The following AP4S1 variants were observed in gnomAD, a reference collection of about 807,000 sequenced individuals.
AP4S1 encodes adaptor related protein complex 4 subunit sigma 1.
In AP4S1, 23 loss-of-function variants were observed where a neutral mutation model predicts 19.8. That is an observed-to-expected ratio of 1.16 (90% confidence interval 0.84 to 1.65). The LOEUF is 1.65. Among genes scored for constraint, AP4S1 ranks in the 40% most tolerant of loss-of-function variants. The probability of loss-of-function intolerance (pLI) is 0.00; values close to 1 mark genes in which losing one functional copy is unlikely to be tolerated. For synonymous variants in AP4S1, 46 were observed against 54.1 expected (o/e 0.85, Z 0.66); for missense variants, 166 against 172.8 (o/e 0.96, Z 0.22).
chr14:31,041,593 C>T (rs971353372), intron 1 of AP4S1, among the ~76,000 whole-genome samples: 3 of 152,190 alleles, frequency 2.0e-5, no homozygotes, highest in Non-Finnish European at 4.4e-5. Flanking sequence ...CACTATAGCA[C>T]CTCCTGGGAG....
In AP4S1 at chr14:31,037,439, C is replaced by T. The variant is rs55803216; in HGVS notation, c.-72+11652C>T. Among the ~76,000 whole-genome samples, 611 of 152,220 alleles carry T rather than the reference C, an allele frequency of 4.0e-3. 1 individual carries two copies. Among genetic ancestry groups the T allele is most frequent in the African/African-American group, 0.014 (592 of 41,530 alleles). On this transcript the variant is annotated intron_variant, in intron 1 of 5. Coordinates refer to ENST00000542754, the MANE Select transcript of AP4S1 (RefSeq NM_001128126.3). ...GCCATCACCACTACTTTCTTTGCTT[C>T]TCTTCACTCTTGCATTTTTAAATTT... is the stretch of plus-strand genomic sequence containing the variant.
chr14:31,037,633 C>T lies in AP4S1; in HGVS notation c.-72+11846C>T, dbSNP rs181836386. ...ATTCTCTGGGCAACAGTTGGGCAGG[C>T]TCTTGTCTGACAATTTAAATTTATT... On this transcript the variant is annotated intron_variant, in intron 1 of 5. Transcript: ENST00000542754. 7.9e-5 allele frequency among the ~76,000 whole-genome samples: 12 copies of T among 152,202 alleles called. No homozygotes were observed. The East Asian group carries it at 1.7e-3, about 22-fold the overall frequency.
chr14:31,033,979 G>A (rs1248441605), intron 1 of AP4S1, among the ~76,000 whole-genome samples: 1 of 152,206 alleles, frequency 6.6e-6, no homozygotes, highest in African/African-American at 2.4e-5. Flanking sequence ...ATTGCCTGGA[G>A]CCAAGTCCCT....
chr14:31,083,159 G>A (rs980642646), intron 5 of AP4S1, among the ~76,000 whole-genome samples: 23 of 152,066 alleles, frequency 1.5e-4, no homozygotes, highest in African/African-American at 5.6e-4. Context: ...TAGCCTTCTG[G>A]TGTGTAGTAT....
chr14:31,092,556 T>C (rs1213279292), intron 5 of AP4S1, among the ~76,000 whole-genome samples: 1 of 152,082 alleles, frequency 6.6e-6, no homozygotes, highest in East Asian at 1.9e-4. Flanking sequence ...GTTACTATTA[T>C]TGTCTGGGAA....
At chr14:31,030,477 A>C (rs915972165) in intron 1 of AP4S1, among the ~76,000 whole-genome samples, 4 of 152,144 alleles carry the variant, frequency 2.6e-5, no homozygotes, top group Non-Finnish European at 2.9e-5. Context: ...TGAGTAGCTA[A>C]GACTACCTGT....
intron 1 of AP4S1, among the ~76,000 whole-genome samples, chr14:31,061,784 A>T (rs948717161): frequency 5.3e-5 from 8 of 151,966 alleles, no homozygotes; most frequent in African/African-American, 1.9e-4. Context: ...CTGGGACTAC[A>T]GGTGCATGCC....
intron 4 of AP4S1, among the ~76,000 whole-genome samples, chr14:31,074,271 G>A (rs1187584514): frequency 6.6e-6 from 1 of 152,002 alleles, no homozygotes; most frequent in Non-Finnish European, 1.5e-5. Flanking sequence ...GTTGCAGTGA[G>A]CCAACATCCC....
chr14:31,081,685 A>C lies in AP4S1; in HGVS notation c.306+1101A>C, dbSNP rs565185078. The stretch of plus-strand genomic sequence containing the variant: ...ATATTTATATAAGAATATAACAACT[A>C]TATATGAATTATAACAATGTTTATG... On this transcript the variant is annotated intron_variant, in intron 5 of 5. Coordinates refer to ENST00000542754, the MANE Select transcript of AP4S1 (RefSeq NM_001128126.3). Among the ~76,000 whole-genome samples the C allele has an allele frequency of 6.5e-4, 99 of 151,576 alleles. 1 individual carries two copies. Among genetic ancestry groups the C allele is most frequent in the Admixed American group, 7.9e-4 (12 of 15,200 alleles).
At chr14:31,048,300 C>T (rs988767028) in intron 1 of AP4S1, among the ~76,000 whole-genome samples, 39 of 151,922 alleles carry the variant, frequency 2.6e-4, no homozygotes, top group African/African-American at 9.2e-4. Context: ...CGGGGTCCCA[C>T]CCTGTTGGCC....
intron 5 of AP4S1, 28 bp downstream of exon 5, chr14:31,080,612 A>G (rs745519443): frequency 5.0e-6 from 8 of 1,613,870 alleles, no homozygotes; most frequent in Admixed American, 3.3e-5. Context: ...TGTTTTCCAC[A>G]GTACTTGGCA....
intron 1 of AP4S1, among the ~76,000 whole-genome samples, chr14:31,042,485 G>A (rs1479186654): frequency 2.6e-5 from 4 of 151,980 alleles, no homozygotes; most frequent in African/African-American, 7.3e-5. Context: ...TTTCTCTCTG[G>A]CAAATGCTTG....
At chr14:31,073,473 G>C (rs186589847) in intron 4 of AP4S1, among the ~76,000 whole-genome samples, 2,236 of 147,280 alleles carry the variant, frequency 0.015, 64 homozygotes, top group African/African-American at 0.052. Context: ...CTGGGCAACA[G>C]AGCGAGACTC....
At chr14:31,042,602 T>C (rs1160599037) in intron 1 of AP4S1, among the ~76,000 whole-genome samples, 1 of 152,208 alleles carries the variant, frequency 6.6e-6, no homozygotes, top group African/African-American at 2.4e-5. Context: ...TAATGGTCTA[T>C]ATATAGTATA....
At chr14:31,080,757 C>T (rs1461006485) in intron 5 of AP4S1, 173 bp downstream of exon 5, 3 of 858,504 alleles carry the variant, frequency 3.5e-6, no homozygotes, top group Non-Finnish European at 5.9e-6. Context: ...TCCCCAACTT[C>T]GTCACCCTGC....
intron 1 of AP4S1, among the ~76,000 whole-genome samples, chr14:31,027,507 C>G (rs972130542): frequency 6.6e-6 from 1 of 152,052 alleles, no homozygotes; most frequent in African/African-American, 2.4e-5. Flanking sequence ...ACTAAAAATA[C>G]AAAAATTAGC....
At chr14:31,074,669 T>G (rs1887258769) in intron 4 of AP4S1, among the ~76,000 whole-genome samples, 1 of 152,086 alleles carries the variant, frequency 6.6e-6, no homozygotes, top group South Asian at 2.1e-4. Context: ...CAAGACTCCG[T>G]CTCAAATAAA....
intron 1 of AP4S1, among the ~76,000 whole-genome samples, chr14:31,027,944 C>A (rs202026865): frequency 1.3e-5 from 2 of 151,990 alleles, no homozygotes; most frequent in African/African-American, 4.8e-5. Context: ...TTCTTTACTG[C>A]AAAAGCCAAT....
chr14:31,034,420 A>G (rs1884594943), intron 1 of AP4S1, among the ~76,000 whole-genome samples: 1 of 151,998 alleles, frequency 6.6e-6, no homozygotes, highest in African/African-American at 2.4e-5. Context: ...TTTCGTAACA[A>G]TTGGATATTT....
Sources: gnomAD v4.1 joint callset for allele counts (sites outside exome capture counted in the v4.1 genomes callset) on GRCh38, gnomAD v4.1.1 for gene constraint, MANE v1.5 for transcripts, NCBI Gene and HGNC (gene_info 2026-07-23, HGNC 2026-07-21) for gene names.